The following PIGL variants were observed in gnomAD, a reference collection of about 807,000 sequenced individuals.
The protein encoded by PIGL is phosphatidylinositol glycan anchor biosynthesis class L.
PIGL carries 22 observed loss-of-function variants against 31.1 expected under a neutral mutation model. The ratio of observed to expected loss-of-function variants is 0.71; its 90% CI spans 0.51 to 1.01. The LOEUF is 1.01. Ranked by LOEUF, PIGL falls within the 50% of genes least tolerant of loss-of-function variation. The probability of loss-of-function intolerance (pLI) is 0.00; values close to 1 mark genes in which losing one functional copy is unlikely to be tolerated. For synonymous variants in PIGL, 131 were observed against 117.4 expected (o/e 1.12, Z -0.75); for missense variants, 302 against 315.9 (o/e 0.96, Z 0.33).
At chr17:16,285,700 ACTT>A (rs2092934601) in intron 2 of PIGL, among the ~76,000 whole-genome samples, 1 of 152,216 alleles carries the variant, frequency 6.6e-6, no homozygotes, top group African/African-American at 2.4e-5. Flanking sequence ...CACAGCAGAT[ACTT>A]AATAAAAGTG....
At chr17:16,294,157 G>T (rs2092971907) in intron 2 of PIGL, among the ~76,000 whole-genome samples, 1 of 152,156 alleles carries the variant, frequency 6.6e-6, no homozygotes, top group Non-Finnish European at 1.5e-5. Flanking sequence ...AGACTTAAGA[G>T]TTGGAAGGAC....
chr17:16,249,686 A>G (rs774772300), intron 2 of PIGL, among the ~76,000 whole-genome samples: 15 of 152,192 alleles, frequency 9.9e-5, no homozygotes, highest in Non-Finnish European at 1.9e-4. Flanking sequence ...TAAAAGCCAA[A>G]GAGTCTGGAG....
chr17:16,220,610 T>C (rs964745043), intron 1 of PIGL, among the ~76,000 whole-genome samples: 33 of 149,834 alleles, frequency 2.2e-4, no homozygotes, highest in Admixed American at 7.4e-4. Flanking sequence ...TGCCTCAGCC[T>C]CTGGAGTAGC....
chr17:16,251,958 G>T (rs1480285555), intron 2 of PIGL, among the ~76,000 whole-genome samples: 1 of 151,480 alleles, frequency 6.6e-6, no homozygotes, highest in African/African-American at 2.4e-5. Context: ...GTATTCATTT[G>T]TTGCTTTTGT....
chr17:16,247,452 A>C (rs2092753391), intron 2 of PIGL, among the ~76,000 whole-genome samples: 3 of 152,230 alleles, frequency 2.0e-5, no homozygotes, highest in Admixed American at 2.0e-4. Flanking sequence ...AAATATAAGG[A>C]ATGGAGAGGC....
rs143771428 is a variant in PIGL at position 16,305,858 on chromosome 17, A to G, written c.426+5880A>G. ...GAATGCAGTGGTGCTATCATAGCCC[A>G]CTATTACATCAAACTCCTGGGCTCA... On this transcript the variant is annotated intron_variant, in intron 3 of 6. Coordinates refer to ENST00000225609, the MANE Select transcript of PIGL (RefSeq NM_004278.4). Among the ~76,000 whole-genome samples, 623 of 152,274 alleles carry G rather than the reference A, an allele frequency of 4.1e-3. 4 individuals are homozygous for G. Among genetic ancestry groups the G allele is most frequent in the Non-Finnish European group, 6.6e-3 (452 of 68,020 alleles).
At chr17:16,265,999 T>C (rs996644843) in intron 2 of PIGL, among the ~76,000 whole-genome samples, 14 of 152,112 alleles carry the variant, frequency 9.2e-5, no homozygotes, top group Admixed American at 6.5e-4. Context: ...CTCTTCATCC[T>C]GAAGAGAAGT....
rs7215071 is a variant in PIGL at position 16,237,935 on chromosome 17, C to T, written c.335+3865C>T. Among the ~76,000 whole-genome samples, 692 of 151,666 alleles carry T rather than the reference C, an allele frequency of 4.6e-3. 3 individuals carry two copies. Among genetic ancestry groups the T allele is most frequent in the South Asian group, 0.016 (76 of 4,802 alleles). ...TTTCAGGGCCGGGCGCATTGGCTCA[C>T]GCCTGTAATCCCAGCACTTGGGGAG... On this transcript the variant is annotated intron_variant, in intron 2 of 6. Transcript: ENST00000225609.
At chr17:16,250,340 TA>T (rs2092765931) in intron 2 of PIGL, among the ~76,000 whole-genome samples, 1 of 152,134 alleles carries the variant, frequency 6.6e-6, no homozygotes, top group Non-Finnish European at 1.5e-5. Flanking sequence ...AAACATAGTA[TA>T]TATAGGGTTC....
Position 16,234,008 on chromosome 17 carries a change from AC to A in PIGL, c.274del (p.Leu92PhefsTer15), listed in dbSNP as rs758633805. 6.2e-7 allele frequency: 1 copy of A among 1,609,682 alleles called. No homozygotes were observed. The highest frequency in any genetic ancestry group is 8.5e-7 in the Non-Finnish European group (1 of 1,176,074). On this transcript the variant is annotated frameshift_variant, in exon 2 of 7. Coordinates refer to ENST00000225609, the MANE Select transcript of PIGL (RefSeq NM_004278.4). LOFTEE classifies it high-confidence loss of function. ...ATCAAGGAGAGACTCGTAAGAAAGAACTTTTGCAGAGCTGTGATGTTTTGGG... is the reference window on the plus strand; with the variant it reads ...ATCAAGGAGAGACTCGTAAGAAAGAATTTTGCAGAGCTGTGATGTTTTGGG... ...YNQGETRKKE[L>X]LQSCDVLGIP...
At chr17:16,322,321 C>T (rs2093109579) in intron 6 of PIGL, among the ~76,000 whole-genome samples, 2 of 152,060 alleles carry the variant, frequency 1.3e-5, no homozygotes. Context: ...TCTCGAACTT[C>T]TGGCCTCAAG....
Position 16,326,241 on chromosome 17 carries a change from G to C in PIGL, c.*343G>C. 1 of 231,340 alleles carries C rather than the reference G, an allele frequency of 4.3e-6. No homozygotes were observed. The highest frequency in any genetic ancestry group is 8.4e-6 in the Non-Finnish European group (1 of 119,038). The allele number at this position is 231,340 out of a possible 1,614,324, so 14.3% of individuals were successfully genotyped here. On this transcript the variant is annotated 3_prime_UTR_variant, in exon 7 of 7. Transcript: ENST00000225609. Reference sequence around the variant, plus strand: ...CCTATTATCATAAATGAACATAAAAGTGCTCTAAAAACACTCCACAGATGT... The same window carrying C: ...CCTATTATCATAAATGAACATAAAACTGCTCTAAAAACACTCCACAGATGT...
intron 2 of PIGL, among the ~76,000 whole-genome samples, chr17:16,298,770 G>A (rs2092992611): frequency 6.6e-6 from 1 of 151,660 alleles, no homozygotes; most frequent in South Asian, 2.1e-4. Flanking sequence ...GCTCACGCCT[G>A]TAATCCCAGC....
At chr17:16,229,035 C>A (rs1475834971) in intron 1 of PIGL, among the ~76,000 whole-genome samples, 1 of 152,074 alleles carries the variant, frequency 6.6e-6, no homozygotes, top group East Asian at 1.9e-4. Flanking sequence ...CTTTGGGAGG[C>A]TGAAGTGGAA....
At chr17:16,318,274 C>G (rs2093087212) in intron 6 of PIGL, among the ~76,000 whole-genome samples, 1 of 145,014 alleles carries the variant, frequency 6.9e-6, no homozygotes, top group African/African-American at 2.5e-5. Flanking sequence ...TCTTTCTACT[C>G]TTTTTTTTTT....
chr17:16,252,105 C>T (rs1332179219), intron 2 of PIGL, among the ~76,000 whole-genome samples: 3 of 138,946 alleles, frequency 2.2e-5, no homozygotes, highest in Non-Finnish European at 4.5e-5. Context: ...GACAGAGTCT[C>T]GCTCTGTCGC....
chr17:16,236,568 GTTAT>G (rs1316811750), intron 2 of PIGL, among the ~76,000 whole-genome samples: 3 of 151,942 alleles, frequency 2.0e-5, no homozygotes, highest in Non-Finnish European at 2.9e-5. Flanking sequence ...TTGCAATAGT[GTTAT>G]TTATTTATTT....
At chr17:16,315,855 G>A (rs7217418) in intron 4 of PIGL, among the ~76,000 whole-genome samples, 7,317 of 150,918 alleles carry the variant, frequency 0.048, 214 homozygotes, top group African/African-American at 0.089. Context: ...ATGCCACCAC[G>A]CCCGGTTAAT....
At chr17:16,305,569 G>A (rs1048971195) in intron 3 of PIGL, among the ~76,000 whole-genome samples, 6 of 152,174 alleles carry the variant, frequency 3.9e-5, no homozygotes, top group Non-Finnish European at 4.4e-5. Flanking sequence ...GCAACAGAAA[G>A]GGGGAAACTA....
Sources: gnomAD v4.1 joint callset for allele counts (sites outside exome capture counted in the v4.1 genomes callset) on GRCh38, gnomAD v4.1.1 for gene constraint, MANE v1.5 for transcripts, NCBI Gene and HGNC (gene_info 2026-07-23, HGNC 2026-07-21) for gene names.